PRKN: variants seen among roughly 807,000 people sequenced by gnomAD.
PRKN encodes the protein parkin RBR E3 ubiquitin protein ligase.
PRKN carries 56 observed loss-of-function variants against 59.5 expected under a neutral mutation model. The observed-to-expected ratio is 0.94, with a 90% CI of 0.76 to 1.18. The LOEUF is 1.18. Among genes scored for constraint, PRKN ranks in the 50% most tolerant of loss-of-function variants. The pLI is 0.00. For missense variants in PRKN, 657 were observed against 596.4 expected (o/e 1.10, Z -1.06); for synonymous variants, 250 against 222.1 (o/e 1.13, Z -1.12).
intron 4 of PRKN, among the ~76,000 whole-genome samples, chr6:162,085,655 G>A (rs1165705021): frequency 6.6e-6 from 1 of 152,076 alleles, no homozygotes; most frequent in Non-Finnish European, 1.5e-5. Flanking sequence ...AGAGAGGGGA[G>A]TTAAGATACT....
Position 161,637,588 on chromosome 6 carries a change from C to G in PRKN, c.872-68172G>C, listed in dbSNP as rs187863130. On this transcript the variant is annotated intron_variant, in intron 7 of 11. Coordinates refer to ENST00000366898, the MANE Select transcript of PRKN (RefSeq NM_004562.3). ...TTCGTGTTTCTACAGAACAAGGTAG[C>G]CTTTTCTCCTCTGCGTTCCCAGGCC... Among the ~76,000 whole-genome samples the G allele has an allele frequency of 6.6e-5, 10 of 152,268 alleles. No homozygotes were observed. The East Asian group carries it at 9.7e-4, about 15-fold the overall frequency.
At chr6:162,663,521 C>T (rs1057095451) in intron 1 of PRKN, among the ~76,000 whole-genome samples, 1 of 151,838 alleles carries the variant, frequency 6.6e-6, no homozygotes, top group African/African-American at 2.4e-5. Context: ...AATCACAAAA[C>T]GAAGAGCATT....
Position 161,463,238 on chromosome 6 carries a change from T to C in PRKN, c.1084-76361A>G, listed in dbSNP as rs2115170482. On this transcript the variant is annotated intron_variant, in intron 9 of 11. Transcript: ENST00000366898. The surrounding 1 kb of genome is among the most constrained non-coding windows in gnomAD (Gnocchi z 4.8). Reference sequence around the variant, plus strand: ...TCTGGAAGGTGACTGCCAGGTCAGCTTCACTGTCAGCTGGTGCCTCTCCTG... The same window carrying C: ...TCTGGAAGGTGACTGCCAGGTCAGCCTCACTGTCAGCTGGTGCCTCTCCTG... 6.6e-6 allele frequency among the ~76,000 whole-genome samples: 1 copy of C among 152,258 alleles called. No homozygotes were observed. The highest frequency in any genetic ancestry group is 1.9e-4 in the East Asian group (1 of 5,174).
intron 2 of PRKN, among the ~76,000 whole-genome samples, chr6:162,281,443 G>A (rs1161264787): frequency 6.6e-6 from 1 of 151,828 alleles, no homozygotes; most frequent in Non-Finnish European, 1.5e-5. Flanking sequence ...AATAAGAAAT[G>A]CGGTATTACT....
chr6:162,265,771 C>T (rs1001533739), intron 2 of PRKN, among the ~76,000 whole-genome samples: 5 of 152,180 alleles, frequency 3.3e-5, no homozygotes, highest in South Asian at 2.1e-4. Context: ...CAAGTGCAGC[C>T]ACACTCACAG....
Position 162,071,663 on chromosome 6 carries a change from C to T in PRKN, c.535-17489G>A, listed in dbSNP as rs994875276. ...CCAGGCTGGAGTGCAGTACTGCGAT[C>T]CTGGCAAACTGCAACCTCTGCCTGC... On this transcript the variant is annotated intron_variant, in intron 4 of 11. Transcript: ENST00000366898. Among the ~76,000 whole-genome samples the T allele has an allele frequency of 2.0e-5, 3 of 151,212 alleles. 1 individual carries two copies. Among genetic ancestry groups the T allele is most frequent in the African/African-American group, 7.3e-5 (3 of 41,048 alleles).
At chr6:161,856,413 C>T (rs1793655178) in intron 6 of PRKN, among the ~76,000 whole-genome samples, 1 of 147,256 alleles carries the variant, frequency 6.8e-6, no homozygotes, top group African/African-American at 2.5e-5. Flanking sequence ...GCTTCTTCTA[C>T]AGAGCTTCTG....
At chr6:161,898,846 C>T (rs535387011) in intron 6 of PRKN, among the ~76,000 whole-genome samples, 85 of 152,306 alleles carry the variant, frequency 5.6e-4, no homozygotes, top group Non-Finnish European at 5.7e-4. Context: ...CAAATGTACG[C>T]TTGTGGCTTC....
At chr6:162,367,843 C>T (rs1400979355) in intron 2 of PRKN, among the ~76,000 whole-genome samples, 1 of 152,132 alleles carries the variant, frequency 6.6e-6, no homozygotes, top group Non-Finnish European at 1.5e-5. Flanking sequence ...CTACTGCCCC[C>T]AGGACTCAGG....
intron 7 of PRKN, among the ~76,000 whole-genome samples, chr6:161,714,760 A>G (rs1490953985): frequency 6.6e-6 from 1 of 152,238 alleles, no homozygotes; most frequent in Non-Finnish European, 1.5e-5. Context: ...TAGTGAATGC[A>G]TTATGAAAGA....
intron 9 of PRKN, among the ~76,000 whole-genome samples, chr6:161,392,860 ATATTTTTGT>A (rs1165213740): frequency 2.0e-5 from 3 of 152,114 alleles, no homozygotes; most frequent in African/African-American, 7.2e-5. Flanking sequence ...CATTGAAGTC[ATATTTTTGT>A]CTTGCAACTA....
chr6:161,723,817 T>C (rs74910833), intron 7 of PRKN, among the ~76,000 whole-genome samples: 5,881 of 152,226 alleles, frequency 0.039, 132 homozygotes, highest in African/African-American at 0.065. Context: ...TCTCCTCTCA[T>C]GGGTGTTTCC....
At chr6:161,916,249 T>C (rs1003580662) in intron 6 of PRKN, among the ~76,000 whole-genome samples, 8 of 152,160 alleles carry the variant, frequency 5.3e-5, no homozygotes, top group Non-Finnish European at 1.0e-4. Flanking sequence ...ACATAAGTGA[T>C]TGAGAGAAAA....
At chr6:162,344,264 G>A (rs1056171008) in intron 2 of PRKN, among the ~76,000 whole-genome samples, 1 of 152,026 alleles carries the variant, frequency 6.6e-6, no homozygotes, top group Non-Finnish European at 1.5e-5. Context: ...AGAAACATAT[G>A]GTCTTCAATG....
rs1345068994 is a variant in PRKN at position 161,551,679 on chromosome 6, AAAG to A, written c.934-2679_934-2677del. ...AGAAAGACTCGGAGGAGAGAAATTC[AAAG>A]AAGTGAGAATAGACACTTTTTTAAA... On this transcript the variant is annotated intron_variant, in intron 8 of 11. Coordinates refer to ENST00000366898, the MANE Select transcript of PRKN (RefSeq NM_004562.3). This position sits in a 1 kb window ranked among gnomAD's most constrained non-coding sequence, Gnocchi z 5.2. Among the ~76,000 whole-genome samples, 6 of 152,334 alleles carry A rather than the reference AAAG, an allele frequency of 3.9e-5. No homozygotes were observed. In the East Asian group the frequency reaches 7.7e-4, roughly 20 times the overall value.
chr6:161,516,266 G>A (rs1303709379), intron 9 of PRKN, among the ~76,000 whole-genome samples: 1 of 151,654 alleles, frequency 6.6e-6, no homozygotes, highest in Non-Finnish European at 1.5e-5. Context: ...TGTCCGACAT[G>A]GTGAAACCCC....
intron 8 of PRKN, among the ~76,000 whole-genome samples, chr6:161,568,812 G>GC (rs1277530037): frequency 6.6e-6 from 1 of 151,884 alleles, no homozygotes. Flanking sequence ...TATTTACTTA[G>GC]CATATCTATT....
At chr6:161,832,623 C>CAAA (rs529969845) in intron 6 of PRKN, among the ~76,000 whole-genome samples, 6 of 75,188 alleles carry the variant, frequency 8.0e-5, no homozygotes, top group Admixed American at 3.2e-4. Flanking sequence ...GATTCCATCT[C>CAAA]AAAAAAAAAA....
intron 3 of PRKN, among the ~76,000 whole-genome samples, chr6:162,230,801 C>T (rs1037815166): frequency 6.6e-6 from 1 of 152,192 alleles, no homozygotes; most frequent in African/African-American, 2.4e-5. Flanking sequence ...AACCAAGTCA[C>T]AGTGAAGAGA....
Sources: allele counts gnomAD v4.1 joint callset (sites outside exome capture counted in the v4.1 genomes callset), GRCh38; gene constraint gnomAD v4.1.1; non-coding constraint Gnocchi (gnomAD v3.1); transcripts MANE v1.5; gene names NCBI Gene and HGNC (gene_info 2026-07-23, HGNC 2026-07-21).